PTPRN2: variants seen among roughly 807,000 people sequenced by gnomAD.
The protein encoded by PTPRN2 is protein tyrosine phosphatase receptor type N2.
Under a neutral mutation model 118.8 loss-of-function variants are expected in PTPRN2, and 74 were observed. The ratio of observed to expected loss-of-function variants is 0.62; its 90% CI spans 0.52 to 0.76. The LOEUF is 0.76. Ranked by LOEUF, PTPRN2 falls within the 30% of genes least tolerant of loss-of-function variation. PTPRN2 has a pLI of 0.00. For synonymous variants in PTPRN2, 641 were observed against 608.0 expected (o/e 1.05, Z -0.80); for missense variants, 1,481 against 1,394.4 (o/e 1.06, Z -0.99).
intron 2 of PTPRN2, among the ~76,000 whole-genome samples, chr7:158,341,502 G>A (rs1400711942): frequency 9.0e-6 from 1 of 111,684 alleles, no homozygotes; most frequent in South Asian, 3.1e-4. Context: ...GGTGACACGT[G>A]CAGACGTCAC....
At chr7:158,449,433 G>A (rs954831632) in intron 2 of PTPRN2, among the ~76,000 whole-genome samples, 7 of 152,208 alleles carry the variant, frequency 4.6e-5, no homozygotes, top group Non-Finnish European at 1.0e-4. Flanking sequence ...CACCAAGAGA[G>A]GACGATGCAC....
chr7:157,765,718 T>TCCTC (rs1452893882), intron 12 of PTPRN2, among the ~76,000 whole-genome samples: 2 of 133,838 alleles, frequency 1.5e-5, no homozygotes, highest in African/African-American at 2.9e-5. Flanking sequence ...CATCCATTCT[T>TCCTC]CATCCATTCA....
At chr7:157,754,370 G>A (rs761540790) in intron 12 of PTPRN2, among the ~76,000 whole-genome samples, 25 of 152,250 alleles carry the variant, frequency 1.6e-4, no homozygotes, top group African/African-American at 2.9e-4. Flanking sequence ...GGGGGCAGGC[G>A]GACATGCCCC....
chr7:157,677,890 G>A (rs1298208516), intron 13 of PTPRN2, among the ~76,000 whole-genome samples: 1 of 152,174 alleles, frequency 6.6e-6, no homozygotes, highest in African/African-American at 2.4e-5. Context: ...TGGAGTATGG[G>A]AGGAGGGAGG....
At chr7:157,702,641 T>C (rs1318928708) in intron 12 of PTPRN2, among the ~76,000 whole-genome samples, 2 of 152,228 alleles carry the variant, frequency 1.3e-5, no homozygotes, top group Non-Finnish European at 2.9e-5. Flanking sequence ...TAATAATCTC[T>C]GGCAACACAA....
Position 158,071,458 on chromosome 7 carries a change from AGG to A in PTPRN2, c.1723+9838_1723+9839del, listed in dbSNP as rs1811628119. Among the ~76,000 whole-genome samples the A allele has an allele frequency of 7.8e-5, 7 of 89,328 alleles. 1 individual carries two copies. Among genetic ancestry groups the A allele is most frequent in the Non-Finnish European group, 1.5e-4 (7 of 45,408 alleles). The allele number at this position is 89,328 out of a possible 152,430, so 58.6% of individuals were successfully genotyped here. A position where few individuals can be genotyped will look rare whatever the true frequency, so the allele number is the denominator to read the frequency against. ...GTGGTGGTGGAGGTGCTCGTGGTTGAGGTGCTCGTGGTGGTGGAGGTTCTCAT... is the reference window on the plus strand; with the variant it reads ...GTGGTGGTGGAGGTGCTCGTGGTTGATGCTCGTGGTGGTGGAGGTTCTCAT... On this transcript the variant is annotated intron_variant, in intron 11 of 22. Coordinates refer to ENST00000389418, the MANE Select transcript of PTPRN2 (RefSeq NM_002847.5).
intron 2 of PTPRN2, among the ~76,000 whole-genome samples, chr7:158,434,524 C>G (rs904950414): frequency 2.0e-5 from 3 of 152,012 alleles, no homozygotes; most frequent in Non-Finnish European, 2.9e-5. Context: ...GTATTCTCTT[C>G]CAGCGTTTCA....
chr7:158,018,966 C>CAAAAAAAAAAAAAAAAAAAAAAAAAAA (rs753498681), intron 11 of PTPRN2, among the ~76,000 whole-genome samples: 1 of 65,830 alleles, frequency 1.5e-5, no homozygotes, highest in African/African-American at 5.2e-5. Flanking sequence ...GTTTCAAAAA[C>CAAAAAAAAAAAAAAAAAAAAAAAAAAA]AAAAAAAAAA....
chr7:157,650,648 G>C (rs1045809880), intron 14 of PTPRN2, among the ~76,000 whole-genome samples: 1 of 152,230 alleles, frequency 6.6e-6, no homozygotes, highest in African/African-American at 2.4e-5. Context: ...CGTCAACCAC[G>C]TGGGAACGAT....
chr7:157,554,024 G>C (rs1382396601), intron 21 of PTPRN2, among the ~76,000 whole-genome samples: 1 of 129,076 alleles, frequency 7.7e-6, no homozygotes, highest in Non-Finnish European at 1.7e-5. Context: ...GTGCGGCCAG[G>C]CCGGGCGCCG....
At chr7:158,070,708 GGAGGTGCCTGTGGT>G (rs1811254480) in intron 11 of PTPRN2, among the ~76,000 whole-genome samples, 1 of 131,518 alleles carries the variant, frequency 7.6e-6, no homozygotes, top group African/African-American at 3.3e-5. Flanking sequence ...CCCTGGTGGC[GGAGGTGCCTGTGGT>G]GTGGAGGTGC....
At chr7:158,569,629 A>C (rs1827863554) in intron 1 of PTPRN2, among the ~76,000 whole-genome samples, 2 of 149,006 alleles carry the variant, frequency 1.3e-5, no homozygotes, top group Admixed American at 6.7e-5. Context: ...CGCGGGGCAC[A>C]AGGCTGCCCA....
At chr7:158,370,057 G>A (rs762060620) in intron 2 of PTPRN2, among the ~76,000 whole-genome samples, 10 of 152,264 alleles carry the variant, frequency 6.6e-5, no homozygotes, top group Admixed American at 1.3e-4. Flanking sequence ...AGCTACAGAC[G>A]ATGGGAACGA....
intron 11 of PTPRN2, among the ~76,000 whole-genome samples, chr7:157,973,161 T>G (rs2128819725): frequency 6.6e-6 from 1 of 152,262 alleles, no homozygotes; most frequent in South Asian, 2.1e-4. Context: ...TGAGATGCCC[T>G]GGAGCAGCAG....
At chr7:158,293,576 G>A (rs1330954197) in intron 3 of PTPRN2, among the ~76,000 whole-genome samples, 12 of 144,696 alleles carry the variant, frequency 8.3e-5, no homozygotes, top group South Asian at 2.2e-4. Flanking sequence ...ACTCTGTCTC[G>A]AAAAAAAAAA....
At position 158,138,275 on chromosome 7, in the gene PTPRN2, C is replaced by G; in HGVS notation, c.1132+19G>C. On this transcript the variant is annotated intron_variant, in intron 7 of 22. Coordinates refer to ENST00000389418, the MANE Select transcript of PTPRN2 (RefSeq NM_002847.5). ...CCCGCAGCACCCCTGGGTGTGGGCA[C>G]CCATGGCGCTGCAGTCACCTGGAAA... 1 of 1,609,554 alleles carries G rather than the reference C, an allele frequency of 6.2e-7. No individual in the cohort carries two copies. Among genetic ancestry groups the G allele is most frequent in the Non-Finnish European group, 8.5e-7 (1 of 1,178,910 alleles).
intron 5 of PTPRN2, among the ~76,000 whole-genome samples, chr7:158,181,056 A>G (rs935964461): frequency 2.6e-5 from 4 of 152,070 alleles, no homozygotes; most frequent in African/African-American, 9.7e-5. Flanking sequence ...TCCCCATTCC[A>G]TATAATGTTG....
At chr7:157,800,974 TATATATATACACACAC>T (rs1156461183) in intron 12 of PTPRN2, among the ~76,000 whole-genome samples, 1 of 150,978 alleles carries the variant, frequency 6.6e-6, no homozygotes, top group East Asian at 1.9e-4. Flanking sequence ...TATATACATA[TATATATATACACACAC>T]ATATATATAC....
At chr7:158,094,458 T>C (rs1408120767) in intron 10 of PTPRN2, among the ~76,000 whole-genome samples, 2 of 152,088 alleles carry the variant, frequency 1.3e-5, no homozygotes, top group African/African-American at 4.8e-5. Context: ...TACAGGCACC[T>C]GCCACCATGC....
Sources: gnomAD v4.1 joint callset for allele counts (sites outside exome capture counted in the v4.1 genomes callset) on GRCh38, gnomAD v4.1.1 for gene constraint, MANE v1.5 for transcripts, NCBI Gene and HGNC (gene_info 2026-07-23, HGNC 2026-07-21) for gene names.